KCNJ6: variants seen among roughly 807,000 people sequenced by gnomAD.
The protein encoded by KCNJ6 is G protein-activated inward rectifier potassium channel 2.
Under a neutral mutation model 34.2 loss-of-function variants are expected in KCNJ6, and 9 were observed. The observed-to-expected ratio is 0.26, with a 90% CI of 0.16 to 0.46. The LOEUF (loss-of-function observed/expected upper bound fraction) is 0.46, where lower values mean the gene tolerates loss of function less well. Among genes scored for constraint, KCNJ6 ranks in the 20% least tolerant of loss-of-function variants. The pLI is 1.00. For missense variants in KCNJ6, 236 were observed against 531.3 expected (o/e 0.44, Z 5.46); for synonymous variants, 196 against 207.1 (o/e 0.95, Z 0.46).
intron 3 of KCNJ6, among the ~76,000 whole-genome samples, chr21:37,688,982 A>C (rs2054627529): frequency 6.6e-6 from 1 of 152,232 alleles, no homozygotes; most frequent in Non-Finnish European, 1.5e-5. Context: ...TATTGTAGAT[A>C]TACACCAAAG....
chr21:37,700,158 A>G (rs565424746), intron 3 of KCNJ6, among the ~76,000 whole-genome samples: 7 of 151,656 alleles, frequency 4.6e-5, no homozygotes, highest in Non-Finnish European at 8.8e-5. Flanking sequence ...GGACACCCAC[A>G]TGTGGTCAGT....
intron 1 of KCNJ6, among the ~76,000 whole-genome samples, chr21:37,878,658 G>T (rs2055691062): frequency 2.0e-5 from 3 of 152,196 alleles, no homozygotes; most frequent in African/African-American, 4.8e-5. Flanking sequence ...GCTTCTTTTT[G>T]CCCGGTTGAA....
intron 1 of KCNJ6, among the ~76,000 whole-genome samples, chr21:37,881,710 G>A (rs2055709233): frequency 6.6e-6 from 1 of 151,976 alleles, no homozygotes; most frequent in Admixed American, 6.6e-5. Flanking sequence ...CTATCCTATT[G>A]CCCTCATGAT....
chr21:37,825,288 C>G (rs1402402118), intron 2 of KCNJ6, among the ~76,000 whole-genome samples: 2 of 152,102 alleles, frequency 1.3e-5, no homozygotes, highest in African/African-American at 4.8e-5. Context: ...ATTTATTACA[C>G]TAAATATAAT....
At chr21:37,752,072 T>G (rs1288355013) in intron 2 of KCNJ6, among the ~76,000 whole-genome samples, 1 of 152,186 alleles carries the variant, frequency 6.6e-6, no homozygotes, top group Non-Finnish European at 1.5e-5. Context: ...AGTCAGCCTT[T>G]GATGACTACT....
chr21:37,815,602 GA>G (rs2055343002), intron 2 of KCNJ6, among the ~76,000 whole-genome samples: 3 of 152,202 alleles, frequency 2.0e-5, no homozygotes, highest in South Asian at 4.1e-4. Flanking sequence ...CGGAAGTCCT[GA>G]AAACTTGGTG....
At position 37,624,243 on chromosome 21, in the gene KCNJ6, G is replaced by T. The variant is rs1343994003; in HGVS notation, c.*916C>A. The stretch of plus-strand genomic sequence containing the variant: ...CATTTCACAGTATATCAGCATATTG[G>T]TGGTGGGTTTTGCCATCTACCAGAC... On this transcript the variant is annotated 3_prime_UTR_variant, in exon 4 of 4. Coordinates refer to ENST00000609713, the MANE Select transcript of KCNJ6 (RefSeq NM_002240.5). 6.6e-6 allele frequency: 1 copy of T among 152,098 alleles called. No homozygotes were observed. The highest frequency in any genetic ancestry group is 1.5e-5 in the Non-Finnish European group (1 of 68,026). 9.4% of individuals were successfully genotyped at this position (152,098 alleles called of 1,614,324 possible). A position where few individuals can be genotyped will look rare whatever the true frequency, so the allele number is the denominator to read the frequency against.
intron 2 of KCNJ6, among the ~76,000 whole-genome samples, chr21:37,777,526 T>C (rs1303711019): frequency 1.3e-5 from 2 of 152,242 alleles, no homozygotes; most frequent in Admixed American, 6.5e-5. Context: ...CCAGACATTG[T>C]GCCATGTTTT....
intron 2 of KCNJ6, among the ~76,000 whole-genome samples, chr21:37,730,021 G>C: frequency 6.6e-6 from 1 of 152,238 alleles, no homozygotes; most frequent in East Asian, 1.9e-4. Context: ...ATCCTAGGCT[G>C]TCCGTTCCTC....
intron 2 of KCNJ6, among the ~76,000 whole-genome samples, chr21:37,779,835 C>T (rs2055160593): frequency 6.6e-6 from 1 of 152,150 alleles, no homozygotes; most frequent in Non-Finnish European, 1.5e-5. Context: ...AAATCTTCTA[C>T]CCTTGAAATA....
chr21:37,708,183 G>T (rs2054731291), intron 3 of KCNJ6, among the ~76,000 whole-genome samples: 1 of 152,198 alleles, frequency 6.6e-6, no homozygotes, highest in Non-Finnish European at 1.5e-5. Flanking sequence ...TGGTGACCTT[G>T]ACTCCTTGTC....
At chr21:37,721,184 A>G in intron 2 of KCNJ6, among the ~76,000 whole-genome samples, 1 of 152,220 alleles carries the variant, frequency 6.6e-6, no homozygotes. Context: ...GAAATTCTTC[A>G]TTGCTAGTCA....
chr21:37,748,498 CAG>C (rs1306873568), intron 2 of KCNJ6, among the ~76,000 whole-genome samples: 2 of 152,080 alleles, frequency 1.3e-5, no homozygotes, highest in Non-Finnish European at 2.9e-5. Context: ...GAAGTCTTAA[CAG>C]TGTTTTCCAT....
intron 2 of KCNJ6, among the ~76,000 whole-genome samples, chr21:37,813,551 T>C (rs2055332705): frequency 2.0e-5 from 3 of 152,076 alleles, no homozygotes; most frequent in Admixed American, 6.6e-5. Flanking sequence ...GGCATAAAAA[T>C]AGACACATAG....
chr21:37,719,783 A>G (rs1295186973), intron 2 of KCNJ6, among the ~76,000 whole-genome samples: 1 of 152,200 alleles, frequency 6.6e-6, no homozygotes. Flanking sequence ...ATAATAAATG[A>G]CAGAGCCACA....
intron 1 of KCNJ6, among the ~76,000 whole-genome samples, chr21:37,913,555 C>T (rs1308291872): frequency 1.3e-5 from 2 of 152,240 alleles, no homozygotes; most frequent in African/African-American, 2.4e-5. Flanking sequence ...TACGGTGGCT[C>T]ACGCCTGTAA....
chr21:37,809,085 T>C (rs2055308173), intron 2 of KCNJ6, among the ~76,000 whole-genome samples: 1 of 152,218 alleles, frequency 6.6e-6, no homozygotes, highest in Admixed American at 6.5e-5. Flanking sequence ...CATATGTTTA[T>C]TGCGGCACTA....
intron 1 of KCNJ6, among the ~76,000 whole-genome samples, chr21:37,902,991 T>C (rs1383088466): frequency 6.6e-6 from 1 of 152,022 alleles, no homozygotes; most frequent in Non-Finnish European, 1.5e-5. Context: ...CTTAAGCCCA[T>C]TTTTTTTCCT....
intron 2 of KCNJ6, among the ~76,000 whole-genome samples, chr21:37,727,606 G>A (rs887950612): frequency 3.3e-5 from 5 of 152,052 alleles, no homozygotes; most frequent in East Asian, 1.9e-4. Flanking sequence ...AGGGAGAGCC[G>A]GTTATAAGGA....
Sources: allele counts gnomAD v4.1 joint callset (sites outside exome capture counted in the v4.1 genomes callset), GRCh38; gene constraint gnomAD v4.1.1; transcripts MANE v1.5; gene names NCBI Gene and HGNC (gene_info 2026-07-23, HGNC 2026-07-21).